Variants in RASSF1 observed in about 807,000 individuals in gnomAD.
The protein encoded by RASSF1 is ras association domain-containing protein 1.
A neutral mutation model predicts 34.3 loss-of-function variants in RASSF1; 33 were observed. The observed-to-expected ratio is 0.96, with a 90% CI of 0.73 to 1.29. The LOEUF is 1.29. Ranked by LOEUF, RASSF1 falls within the 50% of genes most tolerant of loss-of-function variation. RASSF1 has a pLI of 0.00. For synonymous variants in RASSF1, 191 were observed against 195.0 expected (o/e 0.98, Z 0.17); for missense variants, 445 against 471.8 (o/e 0.94, Z 0.53).
Position 50,330,134 on chromosome 3 carries a change from C to T in RASSF1, c.*447G>A, listed in dbSNP as rs1422757845. 2 of 160,390 alleles carry T rather than the reference C, an allele frequency of 1.2e-5. No homozygotes were observed. Among genetic ancestry groups the T allele is most frequent in the Admixed American group, 1.2e-4 (2 of 16,168 alleles). 9.9% of individuals were successfully genotyped at this position (160,390 alleles called of 1,614,324 possible). A position where few individuals can be genotyped will look rare whatever the true frequency, so the allele number is the denominator to read the frequency against. On this transcript the variant is annotated 3_prime_UTR_variant, in exon 6 of 6. Coordinates refer to ENST00000359365, the MANE Select transcript of RASSF1 (RefSeq NM_007182.5). This position sits in a 1 kb window ranked among gnomAD's most constrained non-coding sequence, Gnocchi z 4.5. ...ACCAAGACTCTTCCTCAATGCCTGCCTTATTCTGAGCACCCACCCTTAGCT... is the reference window on the plus strand; with the variant it reads ...ACCAAGACTCTTCCTCAATGCCTGCTTTATTCTGAGCACCCACCCTTAGCT...
chr3:50,330,606 G>T lies in RASSF1; in HGVS notation c.998C>A (p.Ala333Asp), dbSNP rs781865726. 3 of 1,614,160 alleles carry T rather than the reference G, an allele frequency of 1.9e-6. No individual in the cohort carries two copies. In the South Asian group the frequency reaches 3.3e-5, roughly 18 times the overall value. ...YSYCRQKIQE[A>D]LHACPLG is the part of the protein sequence containing the mutation. ...TCACCCAAGGGGGCAGGCGTGCAGGGCCTCTTGGATCTTCTGGCGGCAATA... is the reference window on the plus strand; with the variant it reads ...TCACCCAAGGGGGCAGGCGTGCAGGTCCTCTTGGATCTTCTGGCGGCAATA... Residue 333 changes from alanine to aspartate, a missense_variant, in exon 6 of 6, where the codon GCC becomes GAC. Ala to Asp is a moderately radical substitution (Grantham distance 126, BLOSUM62 -2). Transcript: ENST00000359365. The surrounding 1 kb of genome is among the most constrained non-coding windows in gnomAD (Gnocchi z 4.5).
At chr3:50,337,641 C>CGAGGGCGGGAAGGTGCGGG in intron 2 of RASSF1, 1 of 981,604 alleles carries the variant, frequency 1.0e-6, no homozygotes, top group East Asian at 2.8e-5. Context: ...TGGCCGGAGG[C>CGAGGGCGGGAAGGTGCGGG]GAGGGCGGGA....
At chr3:50,333,641 G>A (rs1433920846) in intron 2 of RASSF1, among the ~76,000 whole-genome samples, 4 of 152,000 alleles carry the variant, frequency 2.6e-5, no homozygotes, top group Admixed American at 6.6e-5. Flanking sequence ...AACAACACCC[G>A]GCTAATTTTT....
At chr3:50,333,051 G>T (rs1342861418) in intron 2 of RASSF1, among the ~76,000 whole-genome samples, 1 of 151,926 alleles carries the variant, frequency 6.6e-6, no homozygotes, top group Non-Finnish European at 1.5e-5. Flanking sequence ...CTGAGATCGT[G>T]CCATCGCACT....
chr3:50,333,843 G>A (rs955213735), intron 2 of RASSF1, among the ~76,000 whole-genome samples: 1 of 152,154 alleles, frequency 6.6e-6, no homozygotes, highest in African/African-American at 2.4e-5. Context: ...TTGCCGGAAG[G>A]GTGGAGTGTG....
intron 2 of RASSF1, among the ~76,000 whole-genome samples, chr3:50,334,375 G>A (rs1369246743): frequency 1.3e-5 from 2 of 152,184 alleles, no homozygotes; most frequent in Admixed American, 6.5e-5. Flanking sequence ...TGGGGACAGT[G>A]GGCAACCTTG....
intron 2 of RASSF1, chr3:50,337,544 C>T (rs1461648014): frequency 1.4e-5 from 21 of 1,486,350 alleles, no homozygotes; most frequent in East Asian, 2.5e-5. Context: ...ATGACCTCAT[C>T]GCTCCGGAGC....
chr3:50,337,735 G>A, intron 2 of RASSF1, 170 bp downstream of exon 2: 1 of 866,336 alleles, frequency 1.2e-6, no homozygotes, highest in Non-Finnish European at 1.8e-6. Flanking sequence ...TGCGGAGCCG[G>A]CAATCCAGGC....
At chr3:50,332,590 C>G (rs1184070195) in intron 2 of RASSF1, among the ~76,000 whole-genome samples, 1 of 151,858 alleles carries the variant, frequency 6.6e-6, no homozygotes, top group African/African-American at 2.4e-5. Context: ...GAGTTTGAGA[C>G]CAGCTTGGGC....
In RASSF1 at chr3:50,331,561, T is replaced by G; in HGVS notation, c.758A>C (p.Gln253Pro). The G allele has an allele frequency of 6.3e-7, 1 of 1,587,234 alleles. No homozygotes were observed. The highest frequency in any genetic ancestry group is 8.6e-7 in the Non-Finnish European group (1 of 1,159,464). Reference sequence around the variant, plus strand: ...GCAGGGTGGGGTGGGAAGCCCACCTTGGCCGTGACGCTCAGCGCGCTCAAA... The same window carrying G: ...GCAGGGTGGGGTGGGAAGCCCACCTGGGCCGTGACGCTCAGCGCGCTCAAA... ...ALFERAERHG[Q>P]VYLRKLLDDE... The change falls in exon 4 of 6, where the codon CAA becomes CCA. Residue 253 changes from glutamine to proline, a missense_variant and splice_region_variant. By Grantham distance (76) the Gln-to-Pro change is moderately conservative. Transcript: ENST00000359365.
chr3:50,331,329 C>T lies in RASSF1; in HGVS notation c.876+5G>A, dbSNP rs1418498409. On this transcript the variant is annotated splice_donor_5th_base_variant and intron_variant, in intron 5 of 5. Coordinates refer to ENST00000359365, the MANE Select transcript of RASSF1 (RefSeq NM_007182.5). ...CAACCAAGAAACTAAGAACTATGTA[C>T]TCACGTTCACCTCCCCAGAGTCATT... 3.8e-6 allele frequency: 6 copies of T among 1,561,062 alleles called. No individual in the cohort carries two copies. Among genetic ancestry groups the T allele is most frequent in the African/African-American group, 1.4e-5 (1 of 73,058 alleles).
chr3:50,331,668 C>T lies in RASSF1; in HGVS notation c.651G>A (p.Leu217=), dbSNP rs1702946721. 1.9e-6 allele frequency: 3 copies of T among 1,613,072 alleles called. No homozygotes were observed. Among genetic ancestry groups the T allele is most frequent in the Non-Finnish European group, 2.5e-6 (3 of 1,179,160 alleles). ...PKDAVKHLHV[L]SRTRAREVIE... Reference sequence around the variant, plus strand: ...TGACTTCACGTGCCCTTGTGCGTGACAGCACATGCAGGTGCTTGACAGCAT... The same window carrying T: ...TGACTTCACGTGCCCTTGTGCGTGATAGCACATGCAGGTGCTTGACAGCAT... The change falls in exon 4 of 6, where the codon CTG becomes CTA. Residue 217 remains leucine, a synonymous_variant. Coordinates refer to ENST00000359365, the MANE Select transcript of RASSF1 (RefSeq NM_007182.5).
At chr3:50,334,068 G>C (rs1177268843) in intron 2 of RASSF1, among the ~76,000 whole-genome samples, 3 of 152,214 alleles carry the variant, frequency 2.0e-5, no homozygotes, top group African/African-American at 7.2e-5. Flanking sequence ...AGGAGAGCCA[G>C]GGTTCTCCCT....
In RASSF1 at chr3:50,330,406, A is replaced by T; in HGVS notation, c.*175T>A. On this transcript the variant is annotated 3_prime_UTR_variant, in exon 6 of 6. Transcript: ENST00000359365. This position sits in a 1 kb window ranked among gnomAD's most constrained non-coding sequence, Gnocchi z 4.5. ...GAGGGGTGCAGAGCCATACCTGGCT[A>T]CACCCACAGGTGGACACAGGGAGCA... The T allele has an allele frequency of 1.1e-6, 1 of 876,620 alleles. No individual in the cohort carries two copies. Among genetic ancestry groups the T allele is most frequent in the Non-Finnish European group, 1.7e-6 (1 of 583,670 alleles). 54.3% of individuals were successfully genotyped at this position (876,620 alleles called of 1,614,324 possible).
intron 5 of RASSF1, among the ~76,000 whole-genome samples, chr3:50,331,038 T>A (rs1702917394): frequency 6.6e-6 from 1 of 152,152 alleles, no homozygotes; most frequent in South Asian, 2.1e-4. Context: ...AGCTTCCAGG[T>A]AAAAAGTCTG....
intron 2 of RASSF1, chr3:50,337,273 G>A (rs767513095): frequency 6.2e-7 from 1 of 1,613,154 alleles, no homozygotes; most frequent in Admixed American, 1.7e-5. Context: ...ACTGCTCGTC[G>A]TGCTGCTCCA....
chr3:50,335,129 T>C (rs139367042), intron 2 of RASSF1, among the ~76,000 whole-genome samples: 371 of 152,192 alleles, frequency 2.4e-3, no homozygotes, highest in Non-Finnish European at 4.1e-3. Flanking sequence ...TTTGTATTTT[T>C]AGTCGAGACG....
chr3:50,338,053 G>C (rs371809530), intron 1 of RASSF1, 42 bp from the exon 2 acceptor site: 27 of 1,544,628 alleles, frequency 1.7e-5, no homozygotes, highest in Non-Finnish European at 2.1e-5. Context: ...GCTCCAGGTC[G>C]GGGAAATGTC....
At chr3:50,336,058 G>A (rs1390445263) in intron 2 of RASSF1, among the ~76,000 whole-genome samples, 1 of 152,122 alleles carries the variant, frequency 6.6e-6, no homozygotes, top group Non-Finnish European at 1.5e-5. Flanking sequence ...GTGCACCTCC[G>A]TGGCTAGCCC....
Sources: allele counts gnomAD v4.1 joint callset (sites outside exome capture counted in the v4.1 genomes callset), GRCh38; gene constraint gnomAD v4.1.1; non-coding constraint Gnocchi (gnomAD v3.1); transcripts MANE v1.5; gene names NCBI Gene and HGNC (gene_info 2026-07-23, HGNC 2026-07-21).